Variants in PHF21B observed in about 807,000 individuals in gnomAD.
PHF21B encodes the protein PHD finger protein 4.
Under a neutral mutation model 62.2 loss-of-function variants are expected in PHF21B, and 22 were observed. The observed-to-expected ratio is 0.35, with a 90% CI of 0.25 to 0.51. The LOEUF is 0.51. Among genes scored for constraint, PHF21B ranks in the 20% least tolerant of loss-of-function variants. PHF21B has a pLI of 0.97. For missense variants in PHF21B, 701 were observed against 707.9 expected, an observed-to-expected ratio of 0.99 and a Z score of 0.11; for synonymous variants, 341 against 314.7, an observed-to-expected ratio of 1.08 and a Z score of -0.88.
chr22:44,895,341 CT>C (rs1569212102), intron 6 of PHF21B, among the ~76,000 whole-genome samples: 1 of 152,128 alleles, frequency 6.6e-6, no homozygotes, highest in African/African-American at 2.4e-5. Flanking sequence ...CCTCATCATT[CT>C]ACGATGATGT....
intron 2 of PHF21B, among the ~76,000 whole-genome samples, chr22:44,942,272 T>G (rs1262505838): frequency 6.6e-6 from 1 of 152,104 alleles, no homozygotes; most frequent in Admixed American, 6.5e-5. Context: ...GGACAGTGTG[T>G]GCCAGGCACC....
chr22:44,998,596 C>G (rs115146102), intron 2 of PHF21B, among the ~76,000 whole-genome samples: 1,534 of 152,228 alleles, frequency 0.01, 22 homozygotes, highest in African/African-American at 0.035. Flanking sequence ...GGGGACATGT[C>G]CCCTCAATTT....
chr22:44,949,318 A>AAAAAAAG (rs2072146667), intron 2 of PHF21B, among the ~76,000 whole-genome samples: 3 of 144,872 alleles, frequency 2.1e-5, no homozygotes, highest in South Asian at 2.2e-4. Context: ...AAGAAAAAAA[A>AAAAAAAG]AAAAAAAGAA....
chr22:44,944,159 C>G (rs984542249), intron 2 of PHF21B, among the ~76,000 whole-genome samples: 1 of 152,234 alleles, frequency 6.6e-6, no homozygotes, highest in Admixed American at 6.5e-5. Flanking sequence ...GGACTGTGCG[C>G]CCAGCATCCA....
chr22:44,963,068 G>A (rs569365012), intron 2 of PHF21B, among the ~76,000 whole-genome samples: 1 of 152,246 alleles, frequency 6.6e-6, no homozygotes, highest in Non-Finnish European at 1.5e-5. Context: ...CTCTCTGGGG[G>A]CACAGGGGCT....
chr22:44,916,841 G>A (rs1189668242), intron 3 of PHF21B, among the ~76,000 whole-genome samples: 1 of 152,242 alleles, frequency 6.6e-6, no homozygotes, highest in Non-Finnish European at 1.5e-5. Flanking sequence ...GGGCTCAGGA[G>A]GGGCTGCTCT....
At chr22:44,991,211 CCTT>C (rs1569278548) in intron 2 of PHF21B, among the ~76,000 whole-genome samples, 2 of 152,204 alleles carry the variant, frequency 1.3e-5, no homozygotes, top group Non-Finnish European at 2.9e-5. Flanking sequence ...AGGAAACCCT[CCTT>C]GAGAAGGCAA....
At chr22:44,944,186 G>C (rs1202297190) in intron 2 of PHF21B, among the ~76,000 whole-genome samples, 1 of 152,182 alleles carries the variant, frequency 6.6e-6, no homozygotes, top group Non-Finnish European at 1.5e-5. Flanking sequence ...TCCACCTATG[G>C]CGTGTGTTGT....
Position 44,897,811 on chromosome 22 carries a change from G to A in PHF21B, c.832-1728C>T, listed in dbSNP as rs141069823. On this transcript the variant is annotated intron_variant, in intron 5 of 12. Coordinates refer to ENST00000313237, the MANE Select transcript of PHF21B (RefSeq NM_138415.5). Reference sequence around the variant, plus strand: ...CCCATACTTTATTTGGATTTCTTTAGTCTTTTTGTTTTTTAGAGACAGAGT... The same window carrying A: ...CCCATACTTTATTTGGATTTCTTTAATCTTTTTGTTTTTTAGAGACAGAGT... Among the ~76,000 whole-genome samples, 41 of 152,108 alleles carry A rather than the reference G, an allele frequency of 2.7e-4. No individual in the cohort carries two copies. The East Asian group carries it at 7.5e-3, about 28-fold the overall frequency.
chr22:44,944,063 G>A (rs893503792), intron 2 of PHF21B, among the ~76,000 whole-genome samples: 2 of 152,180 alleles, frequency 1.3e-5, no homozygotes, highest in Admixed American at 1.3e-4. Flanking sequence ...CTACCCTCCT[G>A]CTGCTCCACC....
intron 3 of PHF21B, 24 bp from the exon 4 acceptor site, chr22:44,916,654 G>A: frequency 6.3e-7 from 1 of 1,593,388 alleles, no homozygotes; most frequent in South Asian, 1.1e-5. Flanking sequence ...ACAGGTATGT[G>A]GTCAGACAGG....
chr22:44,994,522 C>T (rs555961446), intron 2 of PHF21B, among the ~76,000 whole-genome samples: 2 of 152,228 alleles, frequency 1.3e-5, no homozygotes, highest in Non-Finnish European at 2.9e-5. Context: ...GACTTCTGGC[C>T]TCCAGAACTG....
intron 4 of PHF21B, among the ~76,000 whole-genome samples, chr22:44,915,790 G>A (rs1350871320): frequency 1.3e-5 from 2 of 152,206 alleles, no homozygotes; most frequent in African/African-American, 2.4e-5. Context: ...AGCTCGGAGG[G>A]GAGCAGCGGG....
chr22:44,927,144 G>A (rs2071648634), intron 2 of PHF21B, among the ~76,000 whole-genome samples: 1 of 152,082 alleles, frequency 6.6e-6, no homozygotes, highest in Non-Finnish European at 1.5e-5. Context: ...CCCCGAGAGA[G>A]AGGTGAGGAG....
At chr22:44,952,735 T>G (rs1477704599) in intron 2 of PHF21B, among the ~76,000 whole-genome samples, 2 of 152,228 alleles carry the variant, frequency 1.3e-5, no homozygotes, top group African/African-American at 4.8e-5. Flanking sequence ...GATTCCAAGA[T>G]TCTATCATTT....
At chr22:44,891,835 G>A (rs975510975) in intron 7 of PHF21B, among the ~76,000 whole-genome samples, 3 of 152,220 alleles carry the variant, frequency 2.0e-5, no homozygotes, top group Non-Finnish European at 2.9e-5. Flanking sequence ...CCAGAAGAGC[G>A]GCCTTAGTCC....
In PHF21B at chr22:44,884,894, T is replaced by TCATCACCAC. The variant is rs369425846; in HGVS notation, c.1377+523_1377+531dup. Among the ~76,000 whole-genome samples, 213 of 152,076 alleles carry TCATCACCAC rather than the reference T, an allele frequency of 1.4e-3. 1 individual carries two copies. Among genetic ancestry groups the TCATCACCAC allele is most frequent in the African/African-American group, 4.9e-3 (204 of 41,380 alleles). The stretch of plus-strand genomic sequence containing the variant: ...ACCATCACCATTACTACCATCACCA[T>TCATCACCAC]CATCACCACCACCACAACCATCATC... On this transcript the variant is annotated intron_variant, in intron 12 of 12. Transcript: ENST00000313237.
intron 1 of PHF21B, chr22:45,008,876 G>C: frequency 8.5e-7 from 1 of 1,174,888 alleles, no homozygotes; most frequent in African/African-American, 1.6e-5. Context: ...AGCCGTGCAA[G>C]TTTGCAGGCC....
At chr22:44,963,634 T>C (rs563059124) in intron 2 of PHF21B, among the ~76,000 whole-genome samples, 64 of 152,320 alleles carry the variant, frequency 4.2e-4, no homozygotes, top group African/African-American at 1.5e-3. Context: ...ACCGCAGACT[T>C]TGTTTTAACT....
Sources: gnomAD v4.1 joint callset for allele counts (sites outside exome capture counted in the v4.1 genomes callset) on GRCh38, gnomAD v4.1.1 for gene constraint, MANE v1.5 for transcripts, NCBI Gene and HGNC (gene_info 2026-07-23, HGNC 2026-07-21) for gene names.